Variants in PCDHA12 observed in about 807,000 individuals in gnomAD.
PCDHA12 encodes protocadherin alpha-12.
In PCDHA12, 44 loss-of-function variants were observed where a neutral mutation model predicts 60.0. The observed-to-expected ratio is 0.73, with a 90% CI of 0.58 to 0.94. The LOEUF (loss-of-function observed/expected upper bound fraction) is 0.94, where lower values mean the gene tolerates loss of function less well. Among genes scored for constraint, PCDHA12 ranks in the 40% least tolerant of loss-of-function variants. PCDHA12 has a pLI of 0.00. For missense variants in PCDHA12, 1,276 were observed against 1,239.7 expected (o/e 1.03, Z -0.44); for synonymous variants, 569 against 553.0 (o/e 1.03, Z -0.40).
chr5:140,898,817 C>T (rs1381051036), intron 1 of PCDHA12, among the ~76,000 whole-genome samples: 1 of 151,766 alleles, frequency 6.6e-6, no homozygotes, highest in Admixed American at 6.6e-5. Context: ...TCTTCCTACC[C>T]ATGAGCATGG....
chr5:140,932,398 T>TA (rs1472151465), intron 1 of PCDHA12, among the ~76,000 whole-genome samples: 1 of 151,960 alleles, frequency 6.6e-6, no homozygotes, highest in Non-Finnish European at 1.5e-5. Flanking sequence ...AGTTTCAACA[T>TA]ACCAATGTTA....
At chr5:140,926,873 C>T in intron 1 of PCDHA12, 1 of 1,525,502 alleles carries the variant, frequency 6.6e-7, no homozygotes, top group Non-Finnish European at 8.8e-7. Context: ...GTTGGTGGAA[C>T]GTGGACGCCT....
intron 1 of PCDHA12, among the ~76,000 whole-genome samples, chr5:140,889,584 CT>C (rs1192659128): frequency 1.3e-5 from 2 of 151,792 alleles, no homozygotes; most frequent in Non-Finnish European, 2.9e-5. Context: ...TTTGTTTTTG[CT>C]TTGAAATATT....
chr5:140,941,506 G>T (rs556309408), intron 1 of PCDHA12, among the ~76,000 whole-genome samples: 1 of 151,236 alleles, frequency 6.6e-6, no homozygotes, highest in South Asian at 2.1e-4. Flanking sequence ...TAGTAGAGAC[G>T]AGGTTTCACC....
chr5:140,946,363 A>T (rs2093934761), intron 1 of PCDHA12, among the ~76,000 whole-genome samples: 1 of 151,892 alleles, frequency 6.6e-6, no homozygotes, highest in African/African-American at 2.4e-5. Flanking sequence ...AGAAAAGGGA[A>T]CTCTTGCACA....
At chr5:140,940,809 C>G (rs1308338406) in intron 1 of PCDHA12, among the ~76,000 whole-genome samples, 1 of 152,118 alleles carries the variant, frequency 6.6e-6, no homozygotes, top group Admixed American at 6.5e-5. Flanking sequence ...GCCAGGATAT[C>G]CTGAGATCTT....
intron 3 of PCDHA12, among the ~76,000 whole-genome samples, chr5:140,986,421 C>T (rs1554248030): frequency 6.6e-6 from 1 of 152,178 alleles, no homozygotes; most frequent in Non-Finnish European, 1.5e-5. Flanking sequence ...CTCTTTTTAA[C>T]TTCATGAGTA....
At chr5:140,915,716 C>T (rs2077274657) in intron 1 of PCDHA12, among the ~76,000 whole-genome samples, 1 of 152,024 alleles carries the variant, frequency 6.6e-6, no homozygotes, top group East Asian at 1.9e-4. Context: ...GTGGCCCCCA[C>T]TTTGGATTGT....
chr5:140,885,371 C>T (rs2153409645), intron 1 of PCDHA12, among the ~76,000 whole-genome samples: 1 of 152,182 alleles, frequency 6.6e-6, no homozygotes, highest in East Asian at 1.9e-4. Flanking sequence ...CTGAAAGTAC[C>T]TTTTGGCAGT....
intron 1 of PCDHA12, among the ~76,000 whole-genome samples, chr5:140,965,939 C>A (rs1554227944): frequency 6.6e-6 from 1 of 152,188 alleles, no homozygotes; most frequent in Admixed American, 6.5e-5. Flanking sequence ...GGAAAGAGGG[C>A]AGCATTTGCC....
Position 140,927,154 on chromosome 5 carries a change from A to C in PCDHA12, c.2367+49315A>C, listed in dbSNP as rs141284501. 8 of 1,614,050 alleles carry C rather than the reference A, an allele frequency of 5.0e-6. No individual in the cohort carries two copies. The African/African-American group carries it at 8.0e-5, about 16-fold the overall frequency. On this transcript the variant is annotated intron_variant, in intron 1 of 3. Transcript: ENST00000398631. ...GCCGGCGGACCGCGAACAGCTGTGC[A>C]GGGCCAAAGCTGCCTGCGTCTTGAC...
intron 1 of PCDHA12, among the ~76,000 whole-genome samples, chr5:140,947,556 A>C (rs1281977555): frequency 1.3e-5 from 2 of 151,584 alleles, no homozygotes; most frequent in Admixed American, 6.6e-5. Flanking sequence ...TTCCGCTGGG[A>C]TTTATATTGG....
At chr5:140,962,676 G>C (rs1201696145) in intron 1 of PCDHA12, among the ~76,000 whole-genome samples, 1 of 152,126 alleles carries the variant, frequency 6.6e-6, no homozygotes, top group Non-Finnish European at 1.5e-5. Context: ...CCATCCACTG[G>C]ATGTTTTATC....
intron 1 of PCDHA12, among the ~76,000 whole-genome samples, chr5:140,906,958 G>A (rs1220105162): frequency 1.3e-5 from 2 of 152,124 alleles, no homozygotes; most frequent in Non-Finnish European, 2.9e-5. Flanking sequence ...CAGTTTAATG[G>A]AATCGTGGTT....
chr5:140,918,750 CAG>C (rs2078839943), intron 1 of PCDHA12, among the ~76,000 whole-genome samples: 1 of 152,070 alleles, frequency 6.6e-6, no homozygotes, highest in African/African-American at 2.4e-5. Flanking sequence ...AAAAGAGGCC[CAG>C]AGAGGTGCCT....
intron 1 of PCDHA12, among the ~76,000 whole-genome samples, chr5:140,970,194 A>G (rs1202666673): frequency 6.6e-6 from 1 of 152,204 alleles, no homozygotes; most frequent in African/African-American, 2.4e-5. Context: ...TTGTAAGAGG[A>G]TTTCCCTGAA....
intron 1 of PCDHA12, among the ~76,000 whole-genome samples, chr5:140,959,874 A>G (rs1360001985): frequency 1.3e-5 from 2 of 152,236 alleles, no homozygotes; most frequent in Non-Finnish European, 2.9e-5. Flanking sequence ...AAATCTGTCA[A>G]GGAATACACG....
At chr5:140,897,227 CA>C (rs1408350956) in intron 1 of PCDHA12, among the ~76,000 whole-genome samples, 2 of 152,036 alleles carry the variant, frequency 1.3e-5, no homozygotes, top group African/African-American at 2.4e-5. Context: ...TACATGTGCA[CA>C]ATGTGCAGGT....
intron 3 of PCDHA12, among the ~76,000 whole-genome samples, chr5:140,994,545 A>T (rs1397619431): frequency 2.6e-5 from 4 of 152,074 alleles, no homozygotes; most frequent in African/African-American, 9.7e-5. Flanking sequence ...TCTACAAAAA[A>T]AATATAAAAA....
Sources: gnomAD v4.1 joint callset for allele counts (sites outside exome capture counted in the v4.1 genomes callset) on GRCh38, gnomAD v4.1.1 for gene constraint, MANE v1.5 for transcripts, NCBI Gene and HGNC (gene_info 2026-07-23, HGNC 2026-07-21) for gene names.